Variants in PKP4 observed in about 807,000 individuals in gnomAD.
PKP4 encodes plakophilin-4.
A neutral mutation model predicts 145.1 loss-of-function variants in PKP4; 90 were observed. The ratio of observed to expected loss-of-function variants is 0.62; its 90% confidence interval spans 0.52 to 0.74. The LOEUF is 0.74. Among genes scored for constraint, PKP4 ranks in the 30% least tolerant of loss-of-function variants. PKP4 has a pLI of 0.00. For synonymous variants in PKP4, 563 were observed against 577.2 expected (o/e 0.98, Z 0.35); for missense variants, 1,340 against 1,482.7 (o/e 0.90, Z 1.58).
At chr2:158,664,984 TTAG>T (rs2056948879) in intron 15 of PKP4, among the ~76,000 whole-genome samples, 1 of 152,210 alleles carries the variant, frequency 6.6e-6, no homozygotes, top group Non-Finnish European at 1.5e-5. Flanking sequence ...TTTGACTTAT[TTAG>T]AAGTTCATGT....
intron 1 of PKP4, among the ~76,000 whole-genome samples, chr2:158,459,893 T>A (rs1689505170): frequency 6.6e-6 from 1 of 152,236 alleles, no homozygotes. Flanking sequence ...AAATGCTTTC[T>A]ATTTGTTACA....
chr2:158,557,998 T>C (rs987822101), intron 2 of PKP4, among the ~76,000 whole-genome samples: 2 of 152,146 alleles, frequency 1.3e-5, no homozygotes, highest in African/African-American at 4.8e-5. Flanking sequence ...GTTGTCGATA[T>C]GAGATCCACA....
chr2:158,475,078 A>G (rs1162040144), intron 1 of PKP4, among the ~76,000 whole-genome samples: 2 of 152,196 alleles, frequency 1.3e-5, no homozygotes, highest in Non-Finnish European at 2.9e-5. Context: ...TGATGGGTTA[A>G]AGAAAATCAT....
chr2:158,471,367 A>G (rs1023594930), intron 1 of PKP4, among the ~76,000 whole-genome samples: 7 of 152,222 alleles, frequency 4.6e-5, no homozygotes, highest in Non-Finnish European at 1.0e-4. Flanking sequence ...CCCTACATGA[A>G]TAGATTCCTG....
intron 1 of PKP4, among the ~76,000 whole-genome samples, chr2:158,521,420 T>C (rs940517759): frequency 6.6e-5 from 10 of 152,242 alleles, no homozygotes; most frequent in African/African-American, 2.4e-4. Flanking sequence ...ATATTTCTAG[T>C]GAAAAATAAA....
At chr2:158,503,021 G>A (rs755690266) in intron 1 of PKP4, among the ~76,000 whole-genome samples, 3 of 152,192 alleles carry the variant, frequency 2.0e-5, no homozygotes, top group African/African-American at 4.8e-5. Context: ...TCTTAGCTTT[G>A]CTATCCACAT....
At chr2:158,528,543 G>T (rs866860789) in intron 1 of PKP4, among the ~76,000 whole-genome samples, 1 of 134,224 alleles carries the variant, frequency 7.5e-6, no homozygotes, top group Non-Finnish European at 1.6e-5. Flanking sequence ...GCTAGATGAC[G>T]AGTTAGTGGG....
Position 158,658,322 on chromosome 2 carries a change from C to A in PKP4, c.2093+8C>A, listed in dbSNP as rs1341692159. The A allele has an allele frequency of 6.5e-6, 10 of 1,533,212 alleles. No individual in the cohort carries two copies. The highest frequency in any genetic ancestry group is 2.3e-5 in the East Asian group (1 of 44,212). The allele number at this position is 1,533,212 out of a possible 1,614,324, so 95.0% of individuals were successfully genotyped here. A position where few individuals can be genotyped will look rare whatever the true frequency, so the allele number is the denominator to read the frequency against. On this transcript the variant is annotated splice_region_variant and intron_variant, in intron 12 of 21. Transcript: ENST00000389759. ...CACGACAGGTTGCCTAAGGTAAATT[C>A]TTTATTTCTTCTTTCCAGTTAATTC...
intron 1 of PKP4, among the ~76,000 whole-genome samples, chr2:158,488,797 G>A (rs1390309456): frequency 1.3e-5 from 2 of 152,208 alleles, no homozygotes; most frequent in Non-Finnish European, 2.9e-5. Flanking sequence ...ATCAGTGATT[G>A]TTGATAGTGT....
chr2:158,495,194 G>C (rs751253164), intron 1 of PKP4, among the ~76,000 whole-genome samples: 4 of 152,002 alleles, frequency 2.6e-5, no homozygotes, highest in Non-Finnish European at 4.4e-5. Context: ...TTGCAGCCCA[G>C]GTGACAGTGC....
rs200851191 is a variant in PKP4 at position 158,625,290 on chromosome 2, A to G, written c.1016A>G (p.Lys339Arg). ...GGCCAGGTGGGGTCGTCGTCCCCCA[A>G]ACGCTCAGGGATGACCGCCGTACCA... Reference protein sequence around the residue: ...SQGQVGSSSPKRSGMTAVPQH... With the variant: ...SQGQVGSSSPRRSGMTAVPQH... Residue 339 changes from lysine (K) to arginine (R), a missense_variant, in exon 7 of 22, where the codon AAA becomes AGA. Physicochemically the swap from Lys to Arg is conservative, Grantham distance 26. Transcript: ENST00000389759. 7.4e-5 allele frequency: 119 copies of G among 1,613,972 alleles called. No homozygotes were observed. The highest frequency in any genetic ancestry group is 9.1e-5 in the Non-Finnish European group (107 of 1,180,020).
intron 1 of PKP4, among the ~76,000 whole-genome samples, chr2:158,531,307 G>A (rs72932979): frequency 0.041 from 6,151 of 151,750 alleles, 192 homozygotes; most frequent in Non-Finnish European, 0.055. Flanking sequence ...TTACACATTG[G>A]TTGTTTCATA....
intron 2 of PKP4, among the ~76,000 whole-genome samples, chr2:158,537,347 G>A (rs768328158): frequency 5.3e-5 from 8 of 152,114 alleles, no homozygotes; most frequent in East Asian, 1.9e-4. Flanking sequence ...CAATTTAGTC[G>A]AAAGTTAAGT....
intron 2 of PKP4, chr2:158,548,919 G>T (rs2045334435): frequency 1.1e-5 from 2 of 174,478 alleles, no homozygotes; most frequent in African/African-American, 4.8e-5. Flanking sequence ...ATCCCATTGA[G>T]CCAGTTGTCT....
At chr2:158,620,850 G>T (rs1471176500) in intron 4 of PKP4, 140 bp from the exon 5 acceptor site, 10 of 654,250 alleles carry the variant, frequency 1.5e-5, no homozygotes, top group African/African-American at 9.1e-5. Context: ...TTAAGAGTCA[G>T]ATGTGCTGTG....
chr2:158,590,750 TG>T (rs1414984774), intron 3 of PKP4, among the ~76,000 whole-genome samples: 1 of 152,122 alleles, frequency 6.6e-6, no homozygotes, highest in African/African-American at 2.4e-5. Flanking sequence ...GAAGTTAACT[TG>T]GTAGAACTTC....
intron 7 of PKP4, among the ~76,000 whole-genome samples, chr2:158,629,843 G>A (rs1418610094): frequency 1.3e-5 from 2 of 152,070 alleles, no homozygotes; most frequent in Non-Finnish European, 2.9e-5. Flanking sequence ...CCAGGTTCAA[G>A]CAATTCTCTG....
chr2:158,635,874 A>T (rs2053767168), intron 9 of PKP4, among the ~76,000 whole-genome samples: 1 of 152,164 alleles, frequency 6.6e-6, no homozygotes, highest in Non-Finnish European at 1.5e-5. Context: ...CCAAAATTAA[A>T]AGCTCATGAC....
intron 11 of PKP4, among the ~76,000 whole-genome samples, chr2:158,651,689 C>T (rs2055378991): frequency 6.6e-6 from 1 of 151,914 alleles, no homozygotes; most frequent in Admixed American, 6.6e-5. Context: ...AGTTCACACA[C>T]TTTGAAAAAC....
Sources: gnomAD v4.1 joint callset for allele counts (sites outside exome capture counted in the v4.1 genomes callset) on GRCh38, gnomAD v4.1.1 for gene constraint, MANE v1.5 for transcripts, NCBI Gene and HGNC (gene_info 2026-07-23, HGNC 2026-07-21) for gene names.